RBMS3: variants seen among roughly 807,000 people sequenced by gnomAD.
RBMS3 encodes RNA binding motif single stranded interacting protein 3.
A neutral mutation model predicts 66.8 loss-of-function variants in RBMS3; 27 were observed. The ratio of observed to expected loss-of-function variants is 0.40; its 90% CI spans 0.30 to 0.56. The LOEUF is 0.56. RBMS3 is among the 20% of genes least tolerant of loss of function. The pLI is 0.40. For missense variants in RBMS3, 513 were observed against 549.5 expected (o/e 0.93, Z 0.66); for synonymous variants, 188 against 183.0 (o/e 1.03, Z -0.22).
intron 4 of RBMS3, among the ~76,000 whole-genome samples, chr3:29,595,165 G>A (rs1256511698): frequency 1.3e-5 from 2 of 152,110 alleles, no homozygotes; most frequent in East Asian, 1.9e-4. Flanking sequence ...TTGGGAGGCC[G>A]AGGCAGGAGG....
At chr3:29,380,962 C>G (rs2038735449) in intron 1 of RBMS3, among the ~76,000 whole-genome samples, 1 of 152,098 alleles carries the variant, frequency 6.6e-6, no homozygotes, top group Non-Finnish European at 1.5e-5. Flanking sequence ...AAGTAATGCT[C>G]TAAACTACAT....
chr3:29,885,481 T>C (rs2059848916), intron 8 of RBMS3, among the ~76,000 whole-genome samples: 1 of 151,884 alleles, frequency 6.6e-6, no homozygotes, highest in South Asian at 2.1e-4. Flanking sequence ...AATAAGGCAT[T>C]ATATATTAAG....
At chr3:29,840,787 G>A (rs985694403) in intron 6 of RBMS3, among the ~76,000 whole-genome samples, 2 of 151,754 alleles carry the variant, frequency 1.3e-5, no homozygotes, top group Admixed American at 6.6e-5. Context: ...ATTGCTTTCA[G>A]GTTTTTTTTC....
At chr3:29,637,137 G>A (rs1229657889) in intron 4 of RBMS3, among the ~76,000 whole-genome samples, 1 of 151,712 alleles carries the variant, frequency 6.6e-6, no homozygotes, top group Middle Eastern at 3.2e-3. Context: ...TTTTTTTCTT[G>A]TTGCTCATTT....
chr3:29,774,526 T>C (rs1375107665), intron 6 of RBMS3, among the ~76,000 whole-genome samples: 3 of 152,112 alleles, frequency 2.0e-5, no homozygotes, highest in Non-Finnish European at 4.4e-5. Context: ...TTGAAACTAA[T>C]ATGTTTTTAC....
intron 4 of RBMS3, among the ~76,000 whole-genome samples, chr3:29,604,129 T>C (rs2048241670): frequency 1.3e-5 from 2 of 151,970 alleles, no homozygotes; most frequent in African/African-American, 4.8e-5. Context: ...AGAAACGCTA[T>C]TTTGGAATAA....
At chr3:29,687,310 T>G (rs185470686) in intron 4 of RBMS3, among the ~76,000 whole-genome samples, 30 of 152,332 alleles carry the variant, frequency 2.0e-4, no homozygotes, top group Middle Eastern at 3.4e-3. Context: ...AGCTTATATC[T>G]CTGATGTTCA....
At chr3:29,325,693 G>A (rs1575547974) in intron 1 of RBMS3, among the ~76,000 whole-genome samples, 1 of 151,054 alleles carries the variant, frequency 6.6e-6, no homozygotes, top group Non-Finnish European at 1.5e-5. Context: ...AATTTGACAT[G>A]ACTGGTATAG....
intron 8 of RBMS3, among the ~76,000 whole-genome samples, chr3:29,896,411 A>G (rs1221933965): frequency 6.6e-6 from 1 of 151,546 alleles, no homozygotes; most frequent in Non-Finnish European, 1.5e-5. Flanking sequence ...TAAAAATCCA[A>G]TAAAGCAAAA....
chr3:29,475,555 C>A (rs7629495), intron 2 of RBMS3, among the ~76,000 whole-genome samples: 1 of 151,990 alleles, frequency 6.6e-6, no homozygotes, highest in African/African-American at 2.4e-5. Context: ...CAGCCAATTT[C>A]TCCTTTTCTT....
intron 4 of RBMS3, among the ~76,000 whole-genome samples, chr3:29,693,916 TTATTTTTCAAACAC>T (rs760454639): frequency 3.3e-5 from 5 of 152,238 alleles, no homozygotes; most frequent in Non-Finnish European, 5.9e-5. Flanking sequence ...TGTTTATCCA[TTATTTTTCAAACAC>T]TGATTACTGT....
At chr3:29,782,184 C>A (rs9872410) in intron 6 of RBMS3, among the ~76,000 whole-genome samples, 3 of 152,064 alleles carry the variant, frequency 2.0e-5, no homozygotes, top group Non-Finnish European at 4.4e-5. Flanking sequence ...ATAGCTGACG[C>A]GCTCTTGAAA....
At chr3:29,443,713 G>C (rs926503230) in intron 2 of RBMS3, among the ~76,000 whole-genome samples, 3 of 152,112 alleles carry the variant, frequency 2.0e-5, no homozygotes, top group South Asian at 4.1e-4. Context: ...GAGCAAGGAG[G>C]CTTTTGTGGA....
rs1559887642 is a variant in RBMS3 at position 30,008,965 on chromosome 3, T to TAACA, written c.*5104_*5107dup. 1 of 152,164 alleles carries TAACA rather than the reference T, an allele frequency of 6.6e-6. No homozygotes were observed. The highest frequency in any genetic ancestry group is 1.5e-5 in the Non-Finnish European group (1 of 68,000). The allele number at this position is 152,164 out of a possible 1,614,324, so 9.4% of individuals were successfully genotyped here. The stretch of plus-strand genomic sequence containing the variant: ...TTCTTTTATCATTGGCTTTATACTC[T>TAACA]AACATATAGATACTCTCTATAGCAA... On this transcript the variant is annotated 3_prime_UTR_variant, in exon 15 of 15. Coordinates refer to ENST00000383767, the MANE Select transcript of RBMS3 (RefSeq NM_001003793.3).
intron 4 of RBMS3, among the ~76,000 whole-genome samples, chr3:29,647,465 T>C (rs943076972): frequency 1.3e-5 from 2 of 152,206 alleles, no homozygotes; most frequent in South Asian, 4.1e-4. Flanking sequence ...GACATTTACA[T>C]GGCAGATGCC....
intron 11 of RBMS3, among the ~76,000 whole-genome samples, chr3:29,941,651 G>T (rs902853132): frequency 6.6e-6 from 1 of 151,618 alleles, no homozygotes; most frequent in South Asian, 2.1e-4. Context: ...TTACACTTTT[G>T]TTGTTTAAAA....
intron 4 of RBMS3, among the ~76,000 whole-genome samples, chr3:29,686,417 C>T (rs918144501): frequency 6.6e-6 from 1 of 152,136 alleles, no homozygotes; most frequent in South Asian, 2.1e-4. Flanking sequence ...GGCATGGTGG[C>T]TCATGCCTGT....
At chr3:29,411,601 C>T (rs1306221660) in intron 1 of RBMS3, among the ~76,000 whole-genome samples, 2 of 152,102 alleles carry the variant, frequency 1.3e-5, no homozygotes, top group Non-Finnish European at 2.9e-5. Flanking sequence ...GAGTGTCTTG[C>T]CAGAGAGAGA....
rs566678748 is a variant in RBMS3, at chr3:29,476,063, AAGGCATGCACTC to A, written c.249-12374_249-12363del. 8.9e-3 allele frequency among the ~76,000 whole-genome samples: 1,353 copies of A among 152,230 alleles called. 11 individuals are homozygous for A. Among genetic ancestry groups the A allele is most frequent in the Non-Finnish European group, 0.015 (1,015 of 68,010 alleles). ...CCCCCACTGACTCCCTGTGGAATGA[AAGGCATGCACTC>A]AGGGGAGTGTGCACACCTGCAGTAA... is the stretch of plus-strand genomic sequence containing the variant. On this transcript the variant is annotated intron_variant, in intron 2 of 14. Coordinates refer to ENST00000383767, the MANE Select transcript of RBMS3 (RefSeq NM_001003793.3).
Sources: allele counts gnomAD v4.1 joint callset (sites outside exome capture counted in the v4.1 genomes callset), GRCh38; gene constraint gnomAD v4.1.1; transcripts MANE v1.5; gene names NCBI Gene and HGNC (gene_info 2026-07-23, HGNC 2026-07-21).